Variants in DMXL1 observed in about 807,000 individuals in gnomAD.
The protein encoded by DMXL1 is Dmx like 1.
Under a neutral mutation model 319.2 loss-of-function variants are expected in DMXL1, and 99 were observed. That is an observed-to-expected ratio of 0.31 (90% CI 0.26 to 0.37). DMXL1 has a LOEUF of 0.37. Among genes scored for constraint, DMXL1 ranks in the 10% least tolerant of loss-of-function variants. The pLI is 1.00. For synonymous variants in DMXL1, 1,385 were observed against 1,235.2 expected (o/e 1.12, Z -2.54); for missense variants, 3,745 against 3,595.6 (o/e 1.04, Z -1.06).
chr5:119,151,976 C>T lies in DMXL1; in HGVS notation c.4642C>T (p.Arg1548Ter), dbSNP rs1413838963. 2.5e-6 allele frequency: 4 copies of T among 1,612,604 alleles called. No homozygotes were observed. Among genetic ancestry groups the T allele is most frequent in the Admixed American group, 1.7e-5 (1 of 59,896 alleles). The change falls in exon 19 of 44, where the codon CGA becomes TGA. Residue 1548 changes from arginine (R) to a stop codon, truncating the protein, a stop_gained. Coordinates refer to ENST00000539542, the MANE Select transcript of DMXL1 (RefSeq NM_001290321.3). LOFTEE classifies it high-confidence loss of function. Reference protein sequence around the residue: ...ECGLKFLLAVRLHTFLTTSLP... With the variant: ...ECGLKFLLAV ...TGGGTTAAAATTTCTTTTGGCTGTT[C>T]GACTCCATACCTTTCTTACAACTTC... is the stretch of plus-strand genomic sequence containing the variant.
At chr5:119,208,917 T>A (rs761397817) in intron 34 of DMXL1, among the ~76,000 whole-genome samples, 59 of 152,172 alleles carry the variant, frequency 3.9e-4, no homozygotes, top group Non-Finnish European at 5.4e-4. Context: ...TGTTAAAGAT[T>A]CATTTGTTGT....
chr5:119,163,948 G>A (rs771087599), intron 19 of DMXL1, among the ~76,000 whole-genome samples: 3 of 152,026 alleles, frequency 2.0e-5, no homozygotes, highest in Non-Finnish European at 2.9e-5. Context: ...CTGACCTCAA[G>A]TGATCCACCC....
rs141643809 is a variant in DMXL1 at position 119,213,726 on chromosome 5, T to G, written c.7927-3175T>G. Among the ~76,000 whole-genome samples the G allele has an allele frequency of 4.2e-3, 645 of 152,276 alleles. 12 individuals are homozygous for G. Among genetic ancestry groups the G allele is most frequent in the South Asian group, 0.035 (168 of 4,826 alleles). ...CCTTCTTATTCACCAGATATCACAT[T>G]CTCTCTAATTTGGTTATTATCTCCA... On this transcript the variant is annotated intron_variant, in intron 34 of 43. Transcript: ENST00000539542.
At chr5:119,208,162 T>C (rs561214169) in intron 34 of DMXL1, among the ~76,000 whole-genome samples, 102 of 152,154 alleles carry the variant, frequency 6.7e-4, no homozygotes, top group Non-Finnish European at 1.3e-3. Flanking sequence ...ACAATTTTCC[T>C]TGCCTGGGTT....
intron 19 of DMXL1, among the ~76,000 whole-genome samples, chr5:119,157,830 G>C (rs1413710395): frequency 6.6e-6 from 1 of 151,918 alleles, no homozygotes. Context: ...ATGAATTTTA[G>C]GGTTTTTTTC....
Position 119,082,877 on chromosome 5 carries a change from C to T in DMXL1, c.87+11221C>T, listed in dbSNP as rs553797222. ...TTCTCTTCATCGTCTCCCCCAACCT[C>T]CTTAGCCCTCTGGTAACCATCAGTC... is the stretch of plus-strand genomic sequence containing the variant. On this transcript the variant is annotated intron_variant, in intron 1 of 43. Transcript: ENST00000539542. 9.5e-4 allele frequency among the ~76,000 whole-genome samples: 145 copies of T among 152,362 alleles called. 3 individuals carry two copies. In the Middle Eastern group the frequency reaches 0.014, roughly 14 times the overall value.
chr5:119,210,902 T>A (rs1285489525), intron 34 of DMXL1, among the ~76,000 whole-genome samples: 1 of 151,726 alleles, frequency 6.6e-6, no homozygotes, highest in Non-Finnish European at 1.5e-5. Flanking sequence ...ATGTTTTCTT[T>A]AAGTTTGTTG....
At chr5:119,099,088 G>T (rs1185538362) in intron 2 of DMXL1, among the ~76,000 whole-genome samples, 2 of 151,698 alleles carry the variant, frequency 1.3e-5, no homozygotes, top group Non-Finnish European at 2.9e-5. Context: ...ATAGTTACAG[G>T]TGTCCTCTAT....
chr5:119,166,475 G>GT, intron 21 of DMXL1, 141 bp from the exon 22 acceptor site: 1 of 645,798 alleles, frequency 1.5e-6, no homozygotes, highest in Non-Finnish European at 2.6e-6. Flanking sequence ...TTTTTACTGG[G>GT]AAAAGAAGCA....
chr5:119,212,848 G>A (rs1783039620), intron 34 of DMXL1, among the ~76,000 whole-genome samples: 1 of 152,048 alleles, frequency 6.6e-6, no homozygotes, highest in Admixed American at 6.6e-5. Flanking sequence ...TTAGCTGACT[G>A]TATCATGTTC....
At chr5:119,099,925 C>G (rs1284027676) in intron 2 of DMXL1, among the ~76,000 whole-genome samples, 2 of 152,108 alleles carry the variant, frequency 1.3e-5, no homozygotes, top group Non-Finnish European at 2.9e-5. Flanking sequence ...CACTTGAGCC[C>G]AGGAGTTCCA....
At chr5:119,089,035 C>T (rs1020405124) in intron 1 of DMXL1, among the ~76,000 whole-genome samples, 8 of 150,908 alleles carry the variant, frequency 5.3e-5, no homozygotes, top group African/African-American at 1.7e-4. Flanking sequence ...TGAAGAACTC[C>T]CTTTAGCATT....
intron 33 of DMXL1, among the ~76,000 whole-genome samples, chr5:119,205,785 A>G (rs1781638592): frequency 6.6e-6 from 1 of 152,104 alleles, no homozygotes; most frequent in African/African-American, 2.4e-5. Context: ...TGTGAAATTA[A>G]TCTTTACCGG....
In DMXL1 at chr5:119,220,451, AC is replaced by A. The variant is rs764092812; in HGVS notation, c.8014-19del. 3.1e-6 allele frequency: 5 copies of A among 1,609,576 alleles called. No homozygotes were observed. In the African/African-American group the frequency reaches 5.4e-5, roughly 17 times the overall value. ...TCTTTTGCCTATTGCTTTTAAAATT[AC>A]CATTTGACTTATTTTTCAGGCAAAT... On this transcript the variant is annotated intron_variant, in intron 35 of 43. Coordinates refer to ENST00000539542, the MANE Select transcript of DMXL1 (RefSeq NM_001290321.3).
chr5:119,187,571 T>G (rs1777959694), intron 28 of DMXL1, among the ~76,000 whole-genome samples: 1 of 152,228 alleles, frequency 6.6e-6, no homozygotes, highest in Non-Finnish European at 1.5e-5. Flanking sequence ...CGCTAAGGTC[T>G]TTTTAGTTAA....
At chr5:119,168,827 A>G (rs977594107) in intron 23 of DMXL1, among the ~76,000 whole-genome samples, 3 of 151,836 alleles carry the variant, frequency 2.0e-5, no homozygotes, top group Admixed American at 2.0e-4. Context: ...GTCTGGAATT[A>G]CAGGCATGAG....
At chr5:119,100,716 G>T (rs1464913762) in intron 2 of DMXL1, 3 of 149,800 alleles carry the variant, frequency 2.0e-5, no homozygotes, top group African/African-American at 7.4e-5. Flanking sequence ...TGGTGGGATG[G>T]TGGTCATTCA....
At chr5:119,156,816 C>G (rs1771180151) in intron 19 of DMXL1, among the ~76,000 whole-genome samples, 1 of 152,058 alleles carries the variant, frequency 6.6e-6, no homozygotes, top group Non-Finnish European at 1.5e-5. Flanking sequence ...CCCCTTTTCG[C>G]CACTTCTTTA....
At chr5:119,107,496 T>G (rs912673797) in intron 4 of DMXL1, among the ~76,000 whole-genome samples, 3 of 152,236 alleles carry the variant, frequency 2.0e-5, no homozygotes, top group African/African-American at 7.2e-5. Flanking sequence ...CTTTTTATGC[T>G]TTTTTCCTGC....
Sources: gnomAD v4.1 joint callset for allele counts (sites outside exome capture counted in the v4.1 genomes callset) on GRCh38, gnomAD v4.1.1 for gene constraint, MANE v1.5 for transcripts, NCBI Gene and HGNC (gene_info 2026-07-23, HGNC 2026-07-21) for gene names.